The following FCHSD2 variants were observed in gnomAD, a reference collection of about 807,000 sequenced individuals.
FCHSD2 encodes F-BAR and double SH3 domains protein 2.
A neutral mutation model predicts 108.1 loss-of-function variants in FCHSD2; 38 were observed. That is an observed-to-expected ratio of 0.35 (90% CI 0.27 to 0.46). The LOEUF is 0.46. Among genes scored for constraint, FCHSD2 ranks in the 20% least tolerant of loss-of-function variants. The pLI, the probability that FCHSD2 is intolerant of heterozygous loss-of-function variation, is 1.00. For missense variants in FCHSD2, 751 were observed against 897.8 expected (o/e 0.84, Z 2.09); for synonymous variants, 279 against 314.7 (o/e 0.89, Z 1.20).
At chr11:72,981,672 T>C (rs541503976) in intron 8 of FCHSD2, among the ~76,000 whole-genome samples, 2 of 152,174 alleles carry the variant, frequency 1.3e-5, no homozygotes, top group Non-Finnish European at 2.9e-5. Flanking sequence ...CACTATGTAA[T>C]ACCTAATACG....
Position 72,854,749 on chromosome 11 carries a change from T to C in FCHSD2, c.1309-4860A>G, listed in dbSNP as rs573598395. 3.0e-4 allele frequency among the ~76,000 whole-genome samples: 45 copies of C among 152,334 alleles called. 1 individual carries two copies. The highest frequency in any genetic ancestry group is 5.7e-4 in the Non-Finnish European group (39 of 68,034). On this transcript the variant is annotated intron_variant, in intron 13 of 19. Transcript: ENST00000409418. ...GAGGTATGCAGAGTAGTCAAATTCA[T>C]AGAGACAGAAAGCAGAATGGTGATT...
intron 8 of FCHSD2, among the ~76,000 whole-genome samples, chr11:72,966,024 A>G (rs967032427): frequency 6.6e-6 from 1 of 152,238 alleles, no homozygotes; most frequent in Non-Finnish European, 1.5e-5. Context: ...AAGAAGATAA[A>G]CAACATTGTT....
At chr11:73,126,449 C>T (rs1860862306) in intron 2 of FCHSD2, among the ~76,000 whole-genome samples, 1 of 146,840 alleles carries the variant, frequency 6.8e-6, no homozygotes, top group African/African-American at 2.5e-5. Flanking sequence ...CAACTGGAAA[C>T]CAATCACTTT....
chr11:72,936,237 C>T (rs894323219), intron 8 of FCHSD2, among the ~76,000 whole-genome samples: 23 of 152,144 alleles, frequency 1.5e-4, no homozygotes, highest in African/African-American at 5.3e-4. Context: ...TCATCTATCT[C>T]CCTTGTAAGC....
chr11:72,867,535 T>G (rs1484352044), intron 13 of FCHSD2, among the ~76,000 whole-genome samples: 1 of 152,156 alleles, frequency 6.6e-6, no homozygotes, highest in African/African-American at 2.4e-5. Flanking sequence ...TCTGAGAACT[T>G]CAGAGACACT....
intron 3 of FCHSD2, among the ~76,000 whole-genome samples, chr11:73,056,145 T>C (rs546690559): frequency 8.5e-4 from 130 of 152,334 alleles, no homozygotes; most frequent in Non-Finnish European, 1.5e-3. Flanking sequence ...GTGTCTTACT[T>C]ATCTGGACCA....
At chr11:72,868,157 A>G (rs763597339) in intron 12 of FCHSD2, 131 bp from the exon 13 acceptor site, 152 of 766,608 alleles carry the variant, frequency 2.0e-4, no homozygotes, top group Admixed American at 2.6e-4. Context: ...ACCATGGAAT[A>G]CTATGCAGCC....
At chr11:72,913,213 G>T (rs1023117139) in intron 9 of FCHSD2, among the ~76,000 whole-genome samples, 1 of 152,062 alleles carries the variant, frequency 6.6e-6, no homozygotes, top group African/African-American at 2.4e-5. Flanking sequence ...ATGAGATTTG[G>T]GTGGGGACAC....
At chr11:73,039,108 A>C (rs1185581596) in intron 3 of FCHSD2, among the ~76,000 whole-genome samples, 2 of 152,210 alleles carry the variant, frequency 1.3e-5, no homozygotes, top group Admixed American at 6.5e-5. Flanking sequence ...AACCAGTTTC[A>C]AACTGGAATA....
chr11:72,986,683 C>A (rs370382406), intron 6 of FCHSD2, among the ~76,000 whole-genome samples: 1 of 152,064 alleles, frequency 6.6e-6, no homozygotes, highest in East Asian at 1.9e-4. Context: ...TGTAGATCTT[C>A]CAATATAAGG....
rs568508727 is a variant in FCHSD2 at position 72,843,138 on chromosome 11, T to A, written c.1705+13A>T. 6.2e-7 allele frequency: 1 copy of A among 1,613,334 alleles called. No individual in the cohort carries two copies. Among genetic ancestry groups the A allele is most frequent in the East Asian group, 2.2e-5 (1 of 44,756 alleles). On this transcript the variant is annotated intron_variant, in intron 16 of 19. Coordinates refer to ENST00000409418, the MANE Select transcript of FCHSD2 (RefSeq NM_014824.3). ...ACGTGACCAAATAAAGAGTGCCTTGTTTCAGTCTTTACCACTGGCATCTCC... is the reference window on the plus strand; with the variant it reads ...ACGTGACCAAATAAAGAGTGCCTTGATTCAGTCTTTACCACTGGCATCTCC...
intron 3 of FCHSD2, among the ~76,000 whole-genome samples, chr11:73,035,640 T>G (rs1227430688): frequency 1.3e-5 from 2 of 152,124 alleles, no homozygotes; most frequent in African/African-American, 4.8e-5. Flanking sequence ...TACTGAGAAT[T>G]TTCTACAATA....
chr11:73,088,030 C>T (rs1859864735), intron 2 of FCHSD2, among the ~76,000 whole-genome samples: 2 of 152,284 alleles, frequency 1.3e-5, no homozygotes, highest in African/African-American at 4.8e-5. Flanking sequence ...CAGGCACATG[C>T]CACCACATGT....
At chr11:73,140,409 C>T (rs571989353) in intron 1 of FCHSD2, among the ~76,000 whole-genome samples, 2 of 152,264 alleles carry the variant, frequency 1.3e-5, no homozygotes, top group African/African-American at 4.8e-5. Flanking sequence ...CATGCACAAG[C>T]TCAATCCACG....
intron 9 of FCHSD2, among the ~76,000 whole-genome samples, chr11:72,910,700 G>A (rs767125329): frequency 6.6e-6 from 1 of 151,828 alleles, no homozygotes; most frequent in Non-Finnish European, 1.5e-5. Context: ...AGGCTGCAGG[G>A]ACCACTGCCT....
intron 2 of FCHSD2, among the ~76,000 whole-genome samples, chr11:73,102,260 C>A (rs1399449082): frequency 6.6e-6 from 1 of 152,116 alleles, no homozygotes; most frequent in Non-Finnish European, 1.5e-5. Context: ...CTAAAATGCT[C>A]ATACACTGTT....
At chr11:73,128,675 T>C (rs767305581) in intron 2 of FCHSD2, among the ~76,000 whole-genome samples, 1 of 152,180 alleles carries the variant, frequency 6.6e-6, no homozygotes, top group Non-Finnish European at 1.5e-5. Context: ...GAAAATATAG[T>C]ACTTGGAGTT....
intron 3 of FCHSD2, among the ~76,000 whole-genome samples, chr11:73,081,656 A>G (rs913855563): frequency 6.6e-6 from 1 of 151,900 alleles, no homozygotes; most frequent in Non-Finnish European, 1.5e-5. Context: ...CCTCCCCACT[A>G]GCTGGGATTA....
intron 2 of FCHSD2, among the ~76,000 whole-genome samples, chr11:73,108,262 T>C (rs1296207767): frequency 1.3e-5 from 2 of 152,266 alleles, no homozygotes; most frequent in Non-Finnish European, 2.9e-5. Context: ...ATTAGATCTT[T>C]TCCTATGAAG....
Sources: gnomAD v4.1 joint callset for allele counts (sites outside exome capture counted in the v4.1 genomes callset) on GRCh38, gnomAD v4.1.1 for gene constraint, MANE v1.5 for transcripts, NCBI Gene and HGNC (gene_info 2026-07-23, HGNC 2026-07-21) for gene names.